Variants in NEGR1 observed in about 807,000 individuals in gnomAD.
NEGR1 encodes neuronal growth regulator 1, also known as IgLON family member 4.
NEGR1 carries 10 observed loss-of-function variants against 40.9 expected under a neutral mutation model. The observed-to-expected ratio is 0.24, with a 90% CI of 0.15 to 0.42. The LOEUF (loss-of-function observed/expected upper bound fraction) is 0.42, where lower values mean the gene tolerates loss of function less well. Among genes scored for constraint, NEGR1 ranks in the 10% least tolerant of loss-of-function variants. NEGR1 has a pLI of 1.00. For synonymous variants in NEGR1, 185 were observed against 166.8 expected (o/e 1.11, Z -0.84); for missense variants, 352 against 438.9 (o/e 0.80, Z 1.77).
At chr1:71,987,206 C>T (rs1379401748) in intron 1 of NEGR1, among the ~76,000 whole-genome samples, 1 of 152,118 alleles carries the variant, frequency 6.6e-6, no homozygotes, top group Non-Finnish European at 1.5e-5. Flanking sequence ...TTGCTTAATC[C>T]TGTATGTTCT....
intron 2 of NEGR1, among the ~76,000 whole-genome samples, chr1:71,818,891 C>T (rs1396426968): frequency 2.6e-5 from 4 of 151,852 alleles, no homozygotes; most frequent in African/African-American, 7.2e-5. Context: ...TACATTTTAA[C>T]ATGTTACTAC....
chr1:72,184,390 A>G (rs1652532871), intron 1 of NEGR1, among the ~76,000 whole-genome samples: 1 of 152,066 alleles, frequency 6.6e-6, no homozygotes, highest in Non-Finnish European at 1.5e-5. Context: ...CTAGAGAGAA[A>G]GTTGGCAGAA....
chr1:71,504,335 A>AT (rs1482682468), intron 6 of NEGR1, among the ~76,000 whole-genome samples: 1 of 152,002 alleles, frequency 6.6e-6, no homozygotes, highest in African/African-American at 2.4e-5. Context: ...AAAAGCAAAA[A>AT]TCATAGTTTC....
intron 2 of NEGR1, among the ~76,000 whole-genome samples, chr1:71,863,304 T>C (rs1294294208): frequency 6.6e-6 from 1 of 152,130 alleles, no homozygotes; most frequent in Admixed American, 6.6e-5. Flanking sequence ...TGCAGGGACA[T>C]GGATGGAGCT....
chr1:71,873,489 G>A (rs1351357590), intron 2 of NEGR1, among the ~76,000 whole-genome samples: 1 of 152,042 alleles, frequency 6.6e-6, no homozygotes, highest in Non-Finnish European at 1.5e-5. Flanking sequence ...TGTATATAAA[G>A]TATTCTTTCC....
At chr1:72,182,108 A>T (rs1652398143) in intron 1 of NEGR1, among the ~76,000 whole-genome samples, 1 of 152,214 alleles carries the variant, frequency 6.6e-6, no homozygotes. Context: ...TGGATATATT[A>T]ACTTGCTTTA....
At chr1:71,857,777 A>T (rs1659827738) in intron 2 of NEGR1, among the ~76,000 whole-genome samples, 1 of 151,898 alleles carries the variant, frequency 6.6e-6, no homozygotes, top group Non-Finnish European at 1.5e-5. Context: ...TATTAATTCT[A>T]TTTAGCTTGG....
chr1:71,623,394 G>GATGTA (rs1213174133), intron 4 of NEGR1, among the ~76,000 whole-genome samples: 1 of 151,856 alleles, frequency 6.6e-6, no homozygotes, highest in East Asian at 1.9e-4. Context: ...CATCTTGGAG[G>GATGTA]ATGTAATGTG....
chr1:72,098,092 AG>A (rs1369557768), intron 1 of NEGR1, among the ~76,000 whole-genome samples: 1 of 152,162 alleles, frequency 6.6e-6, no homozygotes, highest in Non-Finnish European at 1.5e-5. Context: ...ACAGCTGCAT[AG>A]CCCCTGTCCT....
chr1:71,693,192 T>C (rs1653352812), intron 4 of NEGR1, among the ~76,000 whole-genome samples: 3 of 151,736 alleles, frequency 2.0e-5, no homozygotes, highest in Admixed American at 2.0e-4. Flanking sequence ...TTTCAGGTTA[T>C]CTTTATTGAA....
At chr1:71,756,635 T>TTGTAC (rs1250287908) in intron 3 of NEGR1, among the ~76,000 whole-genome samples, 2 of 152,084 alleles carry the variant, frequency 1.3e-5, no homozygotes, top group Non-Finnish European at 1.5e-5. Context: ...ACTGGTTCTT[T>TTGTAC]TGTACTGTAA....
chr1:71,905,877 AAAAG>A (rs1661261037), intron 2 of NEGR1, among the ~76,000 whole-genome samples: 1 of 151,796 alleles, frequency 6.6e-6, no homozygotes, highest in African/African-American at 2.4e-5. Flanking sequence ...AAAAAAAAAA[AAAAG>A]AAAGGCTGAG....
intron 1 of NEGR1, among the ~76,000 whole-genome samples, chr1:72,271,697 G>A (rs1330444959): frequency 6.6e-6 from 1 of 151,894 alleles, no homozygotes; most frequent in Non-Finnish European, 1.5e-5. Context: ...GTTTGGCTGT[G>A]CATCCACCCA....
chr1:71,841,229 C>A (rs1659225140), intron 2 of NEGR1, among the ~76,000 whole-genome samples: 1 of 152,078 alleles, frequency 6.6e-6, no homozygotes, highest in Non-Finnish European at 1.5e-5. Flanking sequence ...AATGTCTTCT[C>A]AATTTCTGCA....
intron 1 of NEGR1, among the ~76,000 whole-genome samples, chr1:72,170,156 C>A (rs945534603): frequency 6.6e-6 from 1 of 152,132 alleles, no homozygotes; most frequent in Non-Finnish European, 1.5e-5. Flanking sequence ...TCCTCCACAG[C>A]GCTCAGGGCT....
intron 4 of NEGR1, among the ~76,000 whole-genome samples, chr1:71,686,140 G>A (rs1017647887): frequency 6.6e-6 from 1 of 152,016 alleles, no homozygotes; most frequent in Admixed American, 6.6e-5. Flanking sequence ...ACTCTTCTCA[G>A]GAAGCTTTTT....
At chr1:72,157,290 A>G (rs1651396800) in intron 1 of NEGR1, among the ~76,000 whole-genome samples, 1 of 152,108 alleles carries the variant, frequency 6.6e-6, no homozygotes, top group Non-Finnish European at 1.5e-5. Context: ...TGTGTGTTTT[A>G]TATTGTATTG....
intron 1 of NEGR1, among the ~76,000 whole-genome samples, chr1:72,131,560 CACA>C (rs1650250050): frequency 6.6e-6 from 1 of 152,100 alleles, no homozygotes; most frequent in Non-Finnish European, 1.5e-5. Flanking sequence ...GTGGAACTAG[CACA>C]ACATTTTTAG....
rs1029032714 is a variant in NEGR1, at chr1:71,990,395, G to T, written c.177-55084C>A. On this transcript the variant is annotated intron_variant, in intron 1 of 6. Transcript: ENST00000357731. ...TATTTTTATTCAAAGACTTTTGTAA[G>T]TTTTCATTGAAAGTGACATATTTTG... Among the ~76,000 whole-genome samples, 3 of 152,040 alleles carry T rather than the reference G, an allele frequency of 2.0e-5. No individual in the cohort carries two copies. The South Asian group carries it at 6.2e-4, about 31-fold the overall frequency.
Sources: allele counts gnomAD v4.1 joint callset (sites outside exome capture counted in the v4.1 genomes callset), GRCh38; gene constraint gnomAD v4.1.1; transcripts MANE v1.5; gene names NCBI Gene and HGNC (gene_info 2026-07-23, HGNC 2026-07-21).